HGF: variants seen among roughly 807,000 people sequenced by gnomAD.
HGF encodes the protein hepatocyte growth factor, also known as fibroblast-derived tumor cytotoxic factor.
Under a neutral mutation model 111.6 loss-of-function variants are expected in HGF, and 39 were observed. That is an observed-to-expected ratio of 0.35 (90% confidence interval 0.27 to 0.46). The LOEUF is 0.46. Ranked by LOEUF, HGF falls within the 20% of genes least tolerant of loss-of-function variation. HGF has a pLI of 1.00. For missense variants in HGF, 735 were observed against 910.5 expected (o/e 0.81, Z 2.48); for synonymous variants, 285 against 294.8 (o/e 0.97, Z 0.34).
At chr7:81,765,371 C>G (rs372336028) in intron 1 of HGF, among the ~76,000 whole-genome samples, 1 of 152,166 alleles carries the variant, frequency 6.6e-6, no homozygotes. Flanking sequence ...AACAGTCTAC[C>G]CTTGCTTGCT....
chr7:81,768,597 T>A (rs1430295085), intron 1 of HGF, among the ~76,000 whole-genome samples: 2 of 152,126 alleles, frequency 1.3e-5, no homozygotes, highest in Admixed American at 6.5e-5. Context: ...GCTAGGATGG[T>A]CTCAATCTCC....
intron 7 of HGF, among the ~76,000 whole-genome samples, chr7:81,740,842 T>A (rs1787975829): frequency 6.6e-6 from 1 of 152,192 alleles, no homozygotes; most frequent in Non-Finnish European, 1.5e-5. Flanking sequence ...GGCACCTTGA[T>A]CAGGACCTTT....
In HGF at chr7:81,711,523, T is replaced by TA. The variant is rs1789569989; in HGVS notation, c.1406-5dup. ...GTAGGTGTGGTATCACCTTCACCTG[T>TA]AAAAATAAATGTATAGATAAATACA... is the stretch of plus-strand genomic sequence containing the variant. On this transcript the variant is annotated splice_polypyrimidine_tract_variant and splice_region_variant and intron_variant, in intron 11 of 17. Coordinates refer to ENST00000222390, the MANE Select transcript of HGF (RefSeq NM_000601.6). 1 of 1,333,710 alleles carries TA rather than the reference T, an allele frequency of 7.5e-7. No homozygotes were observed. Among genetic ancestry groups the TA allele is most frequent in the Non-Finnish European group, 1.1e-6 (1 of 939,110 alleles). The allele number at this position is 1,333,710 out of a possible 1,614,324, so 82.6% of individuals were successfully genotyped here.
At chr7:81,714,383 T>C (rs1789657481) in intron 11 of HGF, among the ~76,000 whole-genome samples, 1 of 152,152 alleles carries the variant, frequency 6.6e-6, no homozygotes, top group African/African-American at 2.4e-5. Flanking sequence ...AAGTTAAGGT[T>C]TTGACTCTTT....
chr7:81,754,650 A>G (rs919916075), intron 4 of HGF, among the ~76,000 whole-genome samples: 1 of 152,072 alleles, frequency 6.6e-6, no homozygotes, highest in Non-Finnish European at 1.5e-5. Flanking sequence ...TCTCTAGGAC[A>G]TGAAGGTTAA....
Position 81,752,098 on chromosome 7 carries a change from C to T in HGF, c.625+22G>A, listed in dbSNP as rs1583991686. On this transcript the variant is annotated intron_variant, in intron 5 of 17. Transcript: ENST00000222390. ...CACATAGGGGGAATAGAATGGCCCA[C>T]ATGGCATTCAGGTTTATTTACCTTC... 3 of 1,613,232 alleles carry T rather than the reference C, an allele frequency of 1.9e-6. No homozygotes were observed. The East Asian group carries it at 6.7e-5, about 36-fold the overall frequency.
In HGF at chr7:81,718,325, A is replaced by G. The variant is rs5745716; in HGVS notation, c.1272-960T>C. Among the ~76,000 whole-genome samples, 550 of 152,294 alleles carry G rather than the reference A, an allele frequency of 3.6e-3. 2 individuals are homozygous for G. The highest frequency in any genetic ancestry group is 0.013 in the African/African-American group (528 of 41,554). On this transcript the variant is annotated intron_variant, in intron 10 of 17. Coordinates refer to ENST00000222390, the MANE Select transcript of HGF (RefSeq NM_000601.6). ...AGGTTCTTTGTAGATATAACCTTAGACCAATCTTATGAGATAGTCTTTAAG... is the reference window on the plus strand; with the variant it reads ...AGGTTCTTTGTAGATATAACCTTAGGCCAATCTTATGAGATAGTCTTTAAG...
At chr7:81,742,777 G>T in intron 7 of HGF, 2 of 1,533,998 alleles carry the variant, frequency 1.3e-6, no homozygotes, top group Non-Finnish European at 8.8e-7. Context: ...ACTGCTAAAA[G>T]ACAGATCGAA....
At chr7:81,706,703 A>G (rs1207279341) in intron 14 of HGF, among the ~76,000 whole-genome samples, 1 of 152,022 alleles carries the variant, frequency 6.6e-6, no homozygotes, top group Non-Finnish European at 1.5e-5. Flanking sequence ...ATGCTCAGGT[A>G]AAGCACTTTA....
chr7:81,729,616 A>G lies in HGF; in HGVS notation c.1029T>C (p.Asn343=), dbSNP rs759555986. Residue 343 remains asparagine, a synonymous_variant, in exon 8 of 18, where the codon AAT becomes AAC. Transcript: ENST00000222390. Reference sequence around the variant, plus strand: ...CCTACTTTACTCACTTGCACTTGAAATTTTCAGGAGTCATGTCATGCTCGT... The same window carrying G: ...CCTACTTTACTCACTTGCACTTGAAGTTTTCAGGAGTCATGTCATGCTCGT... ...YPHEHDMTPE[N]FKCKDLRENY... is the part of the protein sequence containing the mutation. 2 of 1,613,448 alleles carry G rather than the reference A, an allele frequency of 1.2e-6. No homozygotes were observed. Among genetic ancestry groups the G allele is most frequent in the East Asian group, 4.5e-5 (2 of 44,846 alleles).
At chr7:81,729,960 T>C (rs1199069519) in intron 7 of HGF, among the ~76,000 whole-genome samples, 181 bp from the exon 8 acceptor site, 1 of 152,190 alleles carries the variant, frequency 6.6e-6, no homozygotes, top group Admixed American at 6.5e-5. Context: ...TCATTCCAAT[T>C]TTCCTTTCAT....
At chr7:81,756,821 G>A in intron 4 of HGF, 1 of 270,940 alleles carries the variant, frequency 3.7e-6, no homozygotes, top group Non-Finnish European at 7.1e-6. Flanking sequence ...AGAACCCTCA[G>A]CCCTCAGTAA....
Position 81,705,509 on chromosome 7 carries a change from C to G in HGF, c.1891G>C (p.Val631Leu), listed in dbSNP as rs145494248. 1 of 1,612,558 alleles carries G rather than the reference C, an allele frequency of 6.2e-7. No homozygotes were observed. Among genetic ancestry groups the G allele is most frequent in the East Asian group, 2.2e-5 (1 of 44,820 alleles). The change falls in exon 17 of 18, where the codon GTG (valine) becomes CTG (leucine). Residue 631 changes from valine to leucine, a missense_variant. Coordinates refer to ENST00000222390, the MANE Select transcript of HGF (RefSeq NM_000601.6). ...GLINYDGLLR[V>L]AHLYIMGNEK... ...TTTCCCATTATATAGAGATGTGCCA[C>G]TCGTAATAGGCCATCATAGTTGATC... is the stretch of plus-strand genomic sequence containing the variant.
chr7:81,711,889 C>T (rs1373446467), intron 11 of HGF, among the ~76,000 whole-genome samples: 1 of 152,212 alleles, frequency 6.6e-6, no homozygotes, highest in East Asian at 1.9e-4. Flanking sequence ...AATGATCCAC[C>T]TGCCTCAGCC....
chr7:81,747,634 CT>C (rs1788324925), intron 5 of HGF, among the ~76,000 whole-genome samples: 2 of 152,158 alleles, frequency 1.3e-5, no homozygotes, highest in African/African-American at 4.8e-5. Context: ...AATTGAGATA[CT>C]TAAATATATT....
intron 5 of HGF, chr7:81,751,887 A>C: frequency 7.3e-7 from 1 of 1,362,760 alleles, no homozygotes; most frequent in Non-Finnish European, 9.5e-7. Flanking sequence ...GGGATGTCTC[A>C]GGCAGTGTTG....
chr7:81,750,394 A>G (rs1788440822), intron 5 of HGF, among the ~76,000 whole-genome samples: 1 of 152,144 alleles, frequency 6.6e-6, no homozygotes, highest in South Asian at 2.1e-4. Flanking sequence ...CATGTCTGCA[A>G]CCTTTGGTGC....
At chr7:81,756,947 A>C in intron 4 of HGF, 1 of 571,326 alleles carries the variant, frequency 1.8e-6, no homozygotes, top group Non-Finnish European at 3.1e-6. Flanking sequence ...TTATTTCACA[A>C]ATACCGAGAT....
chr7:81,756,032 A>C, intron 4 of HGF: 2 of 701,892 alleles, frequency 2.8e-6, no homozygotes, highest in Non-Finnish European at 5.2e-6. Flanking sequence ...ATAGAATAAA[A>C]AGTGGATTCA....
Sources: allele counts gnomAD v4.1 joint callset (sites outside exome capture counted in the v4.1 genomes callset), GRCh38; gene constraint gnomAD v4.1.1; transcripts MANE v1.5; gene names NCBI Gene and HGNC (gene_info 2026-07-23, HGNC 2026-07-21).